KAT6A: variants seen among roughly 807,000 people sequenced by gnomAD.
KAT6A encodes lysine acetyltransferase 6A, also known as histone acetyltransferase KAT6A.
A neutral mutation model predicts 198.4 loss-of-function variants in KAT6A; 9 were observed. That is an observed-to-expected ratio of 0.05 (90% CI 0.03 to 0.08). The LOEUF (loss-of-function observed/expected upper bound fraction) is 0.08, where lower values mean the gene tolerates loss of function less well. Ranked by LOEUF, KAT6A falls within the 10% of genes least tolerant of loss-of-function variation. The pLI, the probability that KAT6A is intolerant of heterozygous loss-of-function variation, is 1.00. For missense variants in KAT6A, 2,077 were observed against 2,509.9 expected, an observed-to-expected ratio of 0.83 and a Z score of 3.69; for synonymous variants, 890 against 883.0, an observed-to-expected ratio of 1.01 and a Z score of -0.14.
At chr8:41,976,225 C>A (rs1013188418) in intron 7 of KAT6A, among the ~76,000 whole-genome samples, 1 of 152,342 alleles carries the variant, frequency 6.6e-6, no homozygotes, top group South Asian at 2.1e-4. Flanking sequence ...AGACACTACA[C>A]CTCTGGCCCT....
At chr8:42,035,983 G>GA (rs1240415974) in intron 2 of KAT6A, among the ~76,000 whole-genome samples, 1 of 152,066 alleles carries the variant, frequency 6.6e-6, no homozygotes, top group Admixed American at 6.6e-5. Context: ...ATGGGGTCCT[G>GA]AAAAAGAATG....
intron 2 of KAT6A, among the ~76,000 whole-genome samples, chr8:41,990,877 C>A (rs148295441): frequency 6.6e-6 from 1 of 151,940 alleles, no homozygotes; most frequent in East Asian, 1.9e-4. Flanking sequence ...CATCTGTAAT[C>A]CCAGCTAGTC....
At chr8:41,988,174 T>C (rs180692740) in intron 2 of KAT6A, among the ~76,000 whole-genome samples, 147 of 152,328 alleles carry the variant, frequency 9.7e-4, no homozygotes, top group African/African-American at 3.3e-3. Flanking sequence ...TTAATCTATG[T>C]TCCTCCTAAG....
intron 2 of KAT6A, among the ~76,000 whole-genome samples, chr8:41,993,988 C>A (rs1452332899): frequency 6.6e-6 from 1 of 152,044 alleles, no homozygotes; most frequent in Admixed American, 6.5e-5. Context: ...AAGCATTTTC[C>A]AAGAAAAACT....
At chr8:41,981,636 C>T (rs940940041) in intron 4 of KAT6A, among the ~76,000 whole-genome samples, 2 of 152,166 alleles carry the variant, frequency 1.3e-5, no homozygotes, top group African/African-American at 4.8e-5. Context: ...TAATTAAGTG[C>T]TTTACAAATT....
Position 41,943,994 on chromosome 8 carries a change from A to G in KAT6A, c.1997-15T>C. 6.3e-6 allele frequency: 10 copies of G among 1,587,484 alleles called. No individual in the cohort carries two copies. Among genetic ancestry groups the G allele is most frequent in the South Asian group, 3.3e-5 (3 of 90,326 alleles). ...TAACAAATAACCTAAAGAATCACAA[A>G]TAACTCAAATCAGAACTAGGTCAGC... On this transcript the variant is annotated splice_polypyrimidine_tract_variant and intron_variant, in intron 12 of 16. Transcript: ENST00000265713.
At chr8:41,978,904 A>AC in intron 5 of KAT6A, 127 bp from the exon 6 acceptor site, 3 of 756,974 alleles carry the variant, frequency 4.0e-6, no homozygotes, top group Non-Finnish European at 6.4e-6. Context: ...TCTGATGAAT[A>AC]CCCCCTCCAA....
At chr8:42,001,981 T>C (rs1449323094) in intron 2 of KAT6A, among the ~76,000 whole-genome samples, 2 of 152,014 alleles carry the variant, frequency 1.3e-5, no homozygotes, top group African/African-American at 2.4e-5. Context: ...GTAACATTCA[T>C]ACTAAAATTT....
At chr8:42,025,208 T>TTTTTG (rs1554696904) in intron 2 of KAT6A, among the ~76,000 whole-genome samples, 2 of 151,958 alleles carry the variant, frequency 1.3e-5, no homozygotes, top group Non-Finnish European at 2.9e-5. Context: ...CTGAGGTTTT[T>TTTTTG]TTTTGTTTTG....
chr8:42,046,019 T>C (rs941357152), intron 2 of KAT6A, among the ~76,000 whole-genome samples: 1 of 152,026 alleles, frequency 6.6e-6, no homozygotes, highest in East Asian at 1.9e-4. Context: ...TGCTATGAAA[T>C]GGTCTCAACA....
intron 8 of KAT6A, among the ~76,000 whole-genome samples, chr8:41,962,611 C>T (rs1375079518): frequency 1.6e-5 from 1 of 62,434 alleles, no homozygotes; most frequent in East Asian, 4.2e-4. Flanking sequence ...GCCCCCCGCC[C>T]CCTCAATCTA....
At chr8:42,020,568 T>C (rs769295424) in intron 2 of KAT6A, among the ~76,000 whole-genome samples, 4 of 152,192 alleles carry the variant, frequency 2.6e-5, no homozygotes, top group Admixed American at 6.5e-5. Context: ...GTACCTAGCA[T>C]AGTGTCAGGG....
intron 16 of KAT6A, among the ~76,000 whole-genome samples, chr8:41,935,610 T>C (rs1334601301): frequency 6.6e-6 from 1 of 152,128 alleles, no homozygotes; most frequent in Non-Finnish European, 1.5e-5. Context: ...ATTTTAACCA[T>C]TTATAAGTGT....
chr8:42,011,884 A>G (rs2150909122), intron 2 of KAT6A, among the ~76,000 whole-genome samples: 1 of 152,140 alleles, frequency 6.6e-6, no homozygotes, highest in Non-Finnish European at 1.5e-5. Flanking sequence ...GTGTGGGGAA[A>G]AAAAGAAGAG....
Position 41,943,950 on chromosome 8 carries a change from C to T in KAT6A, c.2026G>A (p.Ala676Thr). Residue 676 changes from alanine to threonine, a missense_variant, in exon 13 of 17, where the codon GCA (alanine) becomes ACA (threonine). Ala to Thr is a moderately conservative substitution (Grantham distance 58, BLOSUM62 0). Transcript: ENST00000265713. Reference sequence around the variant, plus strand: ...GATAACGGTTTCTCTGGAGACCCTGCTTGGCCTTCACGCTTTGATAACAAA... The same window carrying T: ...GATAACGGTTTCTCTGGAGACCCTGTTTGGCCTTCACGCTTTGATAACAAA... ...SYLLSKREGQ[A>T]GSPEKPLSDL... The T allele has an allele frequency of 1.2e-6, 2 of 1,613,934 alleles. No homozygotes were observed. Among genetic ancestry groups the T allele is most frequent in the Admixed American group, 3.3e-5 (2 of 60,014 alleles).
rs192263341 is a variant in KAT6A, at chr8:41,997,235, A to G, written c.601-9672T>C. Among the ~76,000 whole-genome samples the G allele has an allele frequency of 6.2e-3, 945 of 152,322 alleles. 7 individuals carry two copies. The highest frequency in any genetic ancestry group is 0.022 in the African/African-American group (919 of 41,568). On this transcript the variant is annotated intron_variant, in intron 2 of 16. Coordinates refer to ENST00000265713, the MANE Select transcript of KAT6A (RefSeq NM_006766.5). ...CAAAACCAATTAGTATAGATTTTTC[A>G]TATTCTCACAAATCAGATGATTTAA...
At chr8:41,975,092 A>C (rs1262162644) in intron 7 of KAT6A, among the ~76,000 whole-genome samples, 1 of 152,152 alleles carries the variant, frequency 6.6e-6, no homozygotes, top group Non-Finnish European at 1.5e-5. Flanking sequence ...AATACACAGA[A>C]AGGCAGACAG....
At chr8:42,035,737 CA>C (rs1827342774) in intron 2 of KAT6A, among the ~76,000 whole-genome samples, 1 of 152,118 alleles carries the variant, frequency 6.6e-6, no homozygotes, top group South Asian at 2.1e-4. Flanking sequence ...GCTCTAGGGC[CA>C]AAAGCCAGAT....
At chr8:42,049,907 G>A (rs1802515573) in intron 1 of KAT6A, among the ~76,000 whole-genome samples, 1 of 152,096 alleles carries the variant, frequency 6.6e-6, no homozygotes, top group Non-Finnish European at 1.5e-5. Context: ...AAATACTATT[G>A]AAAATAGCCT....
Sources: gnomAD v4.1 joint callset for allele counts (sites outside exome capture counted in the v4.1 genomes callset) on GRCh38, gnomAD v4.1.1 for gene constraint, MANE v1.5 for transcripts, NCBI Gene and HGNC (gene_info 2026-07-23, HGNC 2026-07-21) for gene names.